The following ZNF234 variants were observed in gnomAD, a reference collection of about 807,000 sequenced individuals.
ZNF234 encodes C2-H2 type zinc finger protein.
ZNF234 carries 4 observed loss-of-function variants against 10.3 expected under a neutral mutation model. The ratio of observed to expected loss-of-function variants is 0.39; its 90% CI spans 0.19 to 0.89. The LOEUF is 0.89. ZNF234 is among the 40% of genes least tolerant of loss of function. The probability of loss-of-function intolerance (pLI) is 0.38; values close to 1 mark genes in which losing one functional copy is unlikely to be tolerated. For synonymous variants in ZNF234, 258 were observed against 280.1 expected, an observed-to-expected ratio of 0.92 and a Z score of 0.79; for missense variants, 711 against 836.1, an observed-to-expected ratio of 0.85 and a Z score of 1.85.
intron 3 of ZNF234, 104 bp downstream of exon 3, chr19:44,144,751 T>C (rs1968551339): frequency 2.0e-6 from 2 of 1,019,870 alleles, no homozygotes; most frequent in African/African-American, 3.2e-5. Context: ...CTGTTTATGC[T>C]AAGTGCATCC....
At chr19:44,150,699 T>C (rs181544369) in intron 5 of ZNF234, among the ~76,000 whole-genome samples, 194 bp downstream of exon 5, 2 of 152,224 alleles carry the variant, frequency 1.3e-5, no homozygotes, top group East Asian at 3.9e-4. Flanking sequence ...CTCCATATCA[T>C]AGCTAAAGTG....
In ZNF234 at chr19:44,158,394, C is replaced by A; in HGVS notation, c.*275C>A. ...TGCCTCAGTGGATTACAGGTGCACA[C>A]CACCACGCCTGGCTAATTTTTGTAT... On this transcript the variant is annotated 3_prime_UTR_variant, in exon 6 of 6. Transcript: ENST00000426739. 2.4e-6 allele frequency: 1 copy of A among 409,286 alleles called. No individual in the cohort carries two copies. 25.4% of individuals were successfully genotyped at this position (409,286 alleles called of 1,614,324 possible). A position where few individuals can be genotyped will look rare whatever the true frequency, so the allele number is the denominator to read the frequency against.
At chr19:44,146,326 G>T (rs1012003506) in intron 3 of ZNF234, among the ~76,000 whole-genome samples, 2 of 152,078 alleles carry the variant, frequency 1.3e-5, no homozygotes, top group Non-Finnish European at 2.9e-5. Flanking sequence ...TGGTTTCTCG[G>T]GTATATACCC....
At position 44,158,232 on chromosome 19, in the gene ZNF234, C is replaced by T. The variant is rs1361203823; in HGVS notation, c.*113C>T. 2 of 1,150,404 alleles carry T rather than the reference C, an allele frequency of 1.7e-6. No individual in the cohort carries two copies. Among genetic ancestry groups the T allele is most frequent in the African/African-American group, 3.1e-5 (2 of 65,352 alleles). 71.3% of individuals were successfully genotyped at this position (1,150,404 alleles called of 1,614,324 possible). On this transcript the variant is annotated 3_prime_UTR_variant, in exon 6 of 6. Coordinates refer to ENST00000426739, the MANE Select transcript of ZNF234 (RefSeq NM_006630.3). The stretch of plus-strand genomic sequence containing the variant: ...TTGAATTTATTTGATTTGTAACGCT[C>T]CACATTTCCACCTAGACTTTTTTTT...
In ZNF234 at chr19:44,153,165, CATATAT is replaced by C. The variant is rs10528022; in HGVS notation, c.235+2681_235+2686del. Among the ~76,000 whole-genome samples, 28 of 97,868 alleles carry C rather than the reference CATATAT, an allele frequency of 2.9e-4. 2 individuals carry two copies. In the East Asian group the frequency reaches 5.7e-3, roughly 20 times the overall value. 64.2% of individuals were successfully genotyped at this position (97,868 alleles called of 152,430 possible). ...TTGTTAAATCTAATCATGTATTCAT[CATATAT>C]ATATATATATATATATATATGCGCC... On this transcript the variant is annotated intron_variant, in intron 5 of 5. Coordinates refer to ENST00000426739, the MANE Select transcript of ZNF234 (RefSeq NM_006630.3).
intron 3 of ZNF234, chr19:44,148,553 A>C: frequency 1.6e-6 from 1 of 633,736 alleles, no homozygotes; most frequent in Non-Finnish European, 2.9e-6. Context: ...TGAAGCCACA[A>C]AGGAATTGAA....
At position 44,159,396 on chromosome 19, in the gene ZNF234, T is replaced by G. The variant is rs777363778; in HGVS notation, c.*1277T>G. On this transcript the variant is annotated 3_prime_UTR_variant, in exon 6 of 6. Coordinates refer to ENST00000426739, the MANE Select transcript of ZNF234 (RefSeq NM_006630.3). ...TTCACCACATTGCCCAGGCTGGTCT[T>G]GAACACCTGAGCTCAAGCAATCCAA... The G allele has an allele frequency of 3.8e-5, 9 of 239,924 alleles. No homozygotes were observed. The highest frequency in any genetic ancestry group is 5.3e-5 in the Non-Finnish European group (6 of 113,270). 14.9% of individuals were successfully genotyped at this position (239,924 alleles called of 1,614,324 possible).
At position 44,157,826 on chromosome 19, in the gene ZNF234, C is replaced by T. The variant is rs759452592; in HGVS notation, c.1810C>T (p.His604Tyr). The stretch of plus-strand genomic sequence containing the variant: ...CTATACATGTGGGGAGTGTGGGAAG[C>T]ACTTCAGTCAGGCCTCAAGTCTCCA... ...KPYTCGECGKHFSQASSLQLH... is the reference protein window; with the variant it reads ...KPYTCGECGKYFSQASSLQLH... The change falls in exon 6 of 6, where the codon CAC (histidine) becomes TAC (tyrosine). Residue 604 changes from histidine to tyrosine, a missense_variant. By Grantham distance (83) the His-to-Tyr change is moderately conservative (BLOSUM62 2). Coordinates refer to ENST00000426739, the MANE Select transcript of ZNF234 (RefSeq NM_006630.3). 7 of 1,613,242 alleles carry T rather than the reference C, an allele frequency of 4.3e-6. No homozygotes were observed. In the Admixed American group the frequency reaches 8.3e-5, roughly 19 times the overall value.
Position 44,158,015 on chromosome 19 carries a change from C to T in ZNF234, c.1999C>T (p.Leu667Phe). 6.2e-7 allele frequency: 1 copy of T among 1,613,642 alleles called. No homozygotes were observed. Among genetic ancestry groups the T allele is most frequent in the Non-Finnish European group, 8.5e-7 (1 of 1,179,832 alleles). ...TAAGAGGTTCAGCTGGCGATCAAAT[C>T]TTGTAAGTCATCACAAAATTCATGC... Reference protein sequence around the residue: ...CGKRFSWRSNLVSHHKIHAAG... With the variant: ...CGKRFSWRSNFVSHHKIHAAG... The change falls in exon 6 of 6, where the codon CTT becomes TTT. Residue 667 changes from leucine to phenylalanine, a missense_variant. Transcript: ENST00000426739.
chr19:44,151,516 T>C (rs1331422197), intron 5 of ZNF234, among the ~76,000 whole-genome samples: 1 of 152,220 alleles, frequency 6.6e-6, no homozygotes, highest in Non-Finnish European at 1.5e-5. Context: ...CATTTCTTAC[T>C]GCTGCTGTAA....
chr19:44,144,714 A>G, intron 3 of ZNF234, 67 bp downstream of exon 3: 2 of 1,432,064 alleles, frequency 1.4e-6, no homozygotes, highest in Non-Finnish European at 1.9e-6. Context: ...CCTGAGGAAG[A>G]CTCAAGAACA....
Position 44,156,450 on chromosome 19 carries a change from A to G in ZNF234, c.434A>G (p.Gln145Arg). The G allele has an allele frequency of 1.2e-6, 2 of 1,613,776 alleles. No individual in the cohort carries two copies. Among genetic ancestry groups the G allele is most frequent in the Non-Finnish European group, 1.7e-6 (2 of 1,179,804 alleles). The change falls in exon 6 of 6, where the codon CAG (glutamine) becomes CGG (arginine). Residue 145 changes from glutamine to arginine, a missense_variant. Gln to Arg is a conservative substitution (Grantham distance 43). Transcript: ENST00000426739. Reference sequence around the variant, plus strand: ...GGACTATATACAACTCACACAGGACAGAAATTTTACCAATGTGATGAGTAC... The same window carrying G: ...GGACTATATACAACTCACACAGGACGGAAATTTTACCAATGTGATGAGTAC... Reference protein sequence around the residue: ...RAGLYTTHTGQKFYQCDEYKK... With the variant: ...RAGLYTTHTGRKFYQCDEYKK...
At chr19:44,154,636 T>TTC (rs1968834334) in intron 5 of ZNF234, among the ~76,000 whole-genome samples, 2 of 143,574 alleles carry the variant, frequency 1.4e-5, no homozygotes, top group African/African-American at 5.4e-5. Context: ...TTCTTTTTTT[T>TTC]TTTTTTTTTT....
chr19:44,148,838 T>C lies in ZNF234; in HGVS notation c.83T>C (p.Val28Ala). 1.2e-6 allele frequency: 2 copies of C among 1,614,036 alleles called. No individual in the cohort carries two copies. Among genetic ancestry groups the C allele is most frequent in the Non-Finnish European group, 1.7e-6 (2 of 1,179,932 alleles). The stretch of plus-strand genomic sequence containing the variant: ...GAGGAGCTGGGGCTGCTGGACCCTG[T>C]CCAGAGGAATCTGTACCAAGATGTG... ...TEEELGLLDP[V>A]QRNLYQDVML... Residue 28 changes from valine to alanine, a missense_variant, in exon 4 of 6, where the codon GTC becomes GCC. Coordinates refer to ENST00000426739, the MANE Select transcript of ZNF234 (RefSeq NM_006630.3).
chr19:44,150,426 C>T lies in ZNF234; in HGVS notation c.156C>T (p.Phe52=). ...RNLLSVGHHP[F]KHDVFLLEKE... ...TGCGTGTTCTAGGGCATCACCCCTT[C>T]AAACATGATGTATTCCTTTTAGAAA... Residue 52 remains phenylalanine (F), a synonymous_variant, in exon 5 of 6, where the codon TTC becomes TTT. Coordinates refer to ENST00000426739, the MANE Select transcript of ZNF234 (RefSeq NM_006630.3). The T allele has an allele frequency of 6.3e-7, 1 of 1,584,882 alleles. No individual in the cohort carries two copies. The highest frequency in any genetic ancestry group is 1.2e-5 in the South Asian group (1 of 86,388).
chr19:44,155,011 A>G (rs1968844689), intron 5 of ZNF234, among the ~76,000 whole-genome samples: 1 of 152,192 alleles, frequency 6.6e-6, no homozygotes, highest in African/African-American at 2.4e-5. Flanking sequence ...CCTTAGAGGT[A>G]CGTCTTTCTG....
chr19:44,148,746 A>C, intron 3 of ZNF234, 25 bp from the exon 4 acceptor site: 1 of 1,612,414 alleles, frequency 6.2e-7, no homozygotes, highest in Middle Eastern at 1.7e-4. Flanking sequence ...AAAAAGGCTG[A>C]AGTAAGGTGT....
In ZNF234 at chr19:44,157,199, A is replaced by G. The variant is rs1968911344; in HGVS notation, c.1183A>G (p.Thr395Ala). Residue 395 changes from threonine to alanine, a missense_variant, in exon 6 of 6, where the codon ACT becomes GCT. Coordinates refer to ENST00000426739, the MANE Select transcript of ZNF234 (RefSeq NM_006630.3). ...SSFQAHQGVH[T>A]GEKPYKCNEC... Reference sequence around the variant, plus strand: ...TTTTCAGGCCCATCAGGGAGTCCACACTGGAGAGAAGCCATACAAATGCAA... The same window carrying G: ...TTTTCAGGCCCATCAGGGAGTCCACGCTGGAGAGAAGCCATACAAATGCAA... 3.1e-6 allele frequency: 5 copies of G among 1,614,222 alleles called. No individual in the cohort carries two copies. The South Asian group carries it at 3.3e-5, about 11-fold the overall frequency.
At chr19:44,154,762 G>A (rs1968839305) in intron 5 of ZNF234, among the ~76,000 whole-genome samples, 1 of 150,730 alleles carries the variant, frequency 6.6e-6, no homozygotes, top group Non-Finnish European at 1.5e-5. Flanking sequence ...CTCCCAAATA[G>A]TGTTAACTAC....
Sources: gnomAD v4.1 joint callset for allele counts (sites outside exome capture counted in the v4.1 genomes callset) on GRCh38, gnomAD v4.1.1 for gene constraint, MANE v1.5 for transcripts, NCBI Gene and HGNC (gene_info 2026-07-23, HGNC 2026-07-21) for gene names.